The following CYP46A1 variants were observed in gnomAD, a reference collection of about 807,000 sequenced individuals.
CYP46A1 encodes cholesterol 24-hydroxylase.
A neutral mutation model predicts 63.3 loss-of-function variants in CYP46A1; 20 were observed. The ratio of observed to expected loss-of-function variants is 0.32; its 90% confidence interval spans 0.22 to 0.46. The LOEUF (loss-of-function observed/expected upper bound fraction) is 0.46. CYP46A1 is among the 20% of genes least tolerant of loss of function. CYP46A1 has a pLI of 1.00. For missense variants in CYP46A1, 445 were observed against 670.8 expected (o/e 0.66, Z 3.72); for synonymous variants, 268 against 273.6 (o/e 0.98, Z 0.20).
intron 9 of CYP46A1, among the ~76,000 whole-genome samples, chr14:99,716,987 G>A (rs2056796204): frequency 6.6e-6 from 1 of 152,334 alleles, no homozygotes; most frequent in Non-Finnish European, 1.5e-5. Context: ...AAGGCATGGA[G>A]GAAGGCCCTT....
chr14:99,726,145 G>A, intron 13 of CYP46A1, 45 bp from the exon 14 acceptor site: 1 of 1,549,990 alleles, frequency 6.5e-7, no homozygotes, highest in African/African-American at 1.4e-5. Flanking sequence ...TTCCTGTGGG[G>A]ACGCCTGGGG....
chr14:99,702,069 CAAAAAAAAAAAA>C (rs71113217), intron 5 of CYP46A1, among the ~76,000 whole-genome samples: 1 of 70,764 alleles, frequency 1.4e-5, no homozygotes, highest in Admixed American at 1.7e-4. Context: ...GACTCCATCT[CAAAAAAAAAAAA>C]AAAAAAAAAA....
intron 1 of CYP46A1, 46 bp downstream of exon 1, chr14:99,684,582 G>T (rs900693295): frequency 1.4e-6 from 2 of 1,397,978 alleles, no homozygotes; most frequent in Non-Finnish European, 1.9e-6. Context: ...CTGGGACTGG[G>T]GGCCTGGGGA....
At chr14:99,698,384 T>G (rs547738588) in intron 3 of CYP46A1, among the ~76,000 whole-genome samples, 2 of 152,290 alleles carry the variant, frequency 1.3e-5, no homozygotes, top group East Asian at 3.9e-4. Context: ...TTACTATGTG[T>G]GTAACCTTGG....
At chr14:99,719,079 G>A (rs1186612485) in intron 10 of CYP46A1, among the ~76,000 whole-genome samples, 1 of 151,984 alleles carries the variant, frequency 6.6e-6, no homozygotes, top group Non-Finnish European at 1.5e-5. Flanking sequence ...CTACCTCATT[G>A]TAACCTCCTC....
Position 99,725,554 on chromosome 14 carries a change from C to A in CYP46A1, c.1265+75C>A. 9.2e-7 allele frequency: 1 copy of A among 1,083,640 alleles called. No homozygotes were observed. Among genetic ancestry groups the A allele is most frequent in the Non-Finnish European group, 1.4e-6 (1 of 704,172 alleles). The allele number at this position is 1,083,640 out of a possible 1,614,324, so 67.1% of individuals were successfully genotyped here. ...AGACACAGCGGCCTCTGGTCTGAGC[C>A]AGAGGCACCCACTCAGCCCACATAG... On this transcript the variant is annotated intron_variant, in intron 13 of 14. Transcript: ENST00000261835. This position sits in a 1 kb window ranked among gnomAD's most constrained non-coding sequence, Gnocchi z 4.2.
chr14:99,713,672 A>T (rs1429950004), intron 7 of CYP46A1, among the ~76,000 whole-genome samples: 1 of 152,052 alleles, frequency 6.6e-6, no homozygotes, highest in Admixed American at 6.6e-5. Flanking sequence ...TGAGGGCAGG[A>T]GTTTCAGACC....
At chr14:99,703,971 C>A (rs2056653739) in intron 5 of CYP46A1, 1 of 692,348 alleles carries the variant, frequency 1.4e-6, no homozygotes, top group Non-Finnish European at 1.8e-6. Context: ...GCCAGCCAAG[C>A]AAACTTCAGG....
At chr14:99,703,176 T>C (rs979475263) in intron 5 of CYP46A1, among the ~76,000 whole-genome samples, 2 of 152,258 alleles carry the variant, frequency 1.3e-5, no homozygotes, top group African/African-American at 4.8e-5. Flanking sequence ...CACATGCTAC[T>C]GATTTGTCCC....
In CYP46A1 at chr14:99,722,678, T is replaced by C. The variant is rs567655874; in HGVS notation, c.1176+612T>C. Among the ~76,000 whole-genome samples the C allele has an allele frequency of 3.8e-3, 571 of 150,136 alleles. 5 individuals carry two copies. The highest frequency in any genetic ancestry group is 0.014 in the African/African-American group (545 of 40,134). On this transcript the variant is annotated intron_variant, in intron 12 of 14. Coordinates refer to ENST00000261835, the MANE Select transcript of CYP46A1 (RefSeq NM_006668.2). The surrounding 1 kb of genome is among the most constrained non-coding windows in gnomAD (Gnocchi z 4.6). ...GTGTGTGTGTGTGTGTGTGTGTGTG[T>C]GCCTGTGTGCATTCACGCAGTAATA...
chr14:99,724,068 T>C (rs1238143071), intron 12 of CYP46A1, among the ~76,000 whole-genome samples: 3 of 152,348 alleles, frequency 2.0e-5, no homozygotes, highest in East Asian at 1.9e-4. Context: ...CCACATGGTC[T>C]TCCTTCTGTG....
In CYP46A1 at chr14:99,699,469, T is replaced by G; in HGVS notation, c.286T>G (p.Phe96Val). 1.2e-6 allele frequency: 2 copies of G among 1,614,082 alleles called. No individual in the cohort carries two copies. The highest frequency in any genetic ancestry group is 1.7e-6 in the Non-Finnish European group (2 of 1,179,988). ...TTGGTTTTTTGGGGATATTTAGAAG[T>G]TCCTGATGTCAACCAAGTACAACAA... The part of the protein sequence containing the change: ...IVTSPESVKK[F>V]LMSTKYNKDS... The change falls in exon 4 of 15, where the codon TTC becomes GTC. Residue 96 changes from phenylalanine to valine, a missense_variant. Phe to Val is a conservative substitution (Grantham distance 50). Coordinates refer to ENST00000261835, the MANE Select transcript of CYP46A1 (RefSeq NM_006668.2).
chr14:99,716,608 G>T (rs78482721), intron 9 of CYP46A1, among the ~76,000 whole-genome samples: 27 of 152,276 alleles, frequency 1.8e-4, no homozygotes, highest in African/African-American at 6.3e-4. Flanking sequence ...GTGAGCCCTC[G>T]CATGCCTCCT....
At chr14:99,700,897 G>A (rs1413937720) in intron 5 of CYP46A1, among the ~76,000 whole-genome samples, 6 of 152,200 alleles carry the variant, frequency 3.9e-5, no homozygotes, top group African/African-American at 1.2e-4. Flanking sequence ...TGCCCCTGAA[G>A]ACTTTCCAGT....
At position 99,716,196 on chromosome 14, in the gene CYP46A1, G is replaced by T; in HGVS notation, c.904G>T (p.Ala302Ser). 1 of 1,614,248 alleles carries T rather than the reference G, an allele frequency of 6.2e-7. No homozygotes were observed. The highest frequency in any genetic ancestry group is 8.5e-7 in the Non-Finnish European group (1 of 1,180,020). The part of the protein sequence containing the change: ...LLDNFVTFFI[A>S]GHETSANHLA... ...GGACAACTTCGTCACCTTCTTCATT[G>T]CTGGTTTGTAGCTTTGGCGGTGGCC... is the stretch of plus-strand genomic sequence containing the variant. Residue 302 changes from alanine to serine, a missense_variant, in exon 9 of 15, where the codon GCT becomes TCT. This residue lies in a region of CYP46A1 where 13 missense variants were observed against 50.5 expected (regional missense o/e 0.26). Transcript: ENST00000261835.
In CYP46A1 at chr14:99,725,210, C is replaced by T. The variant is rs905741440; in HGVS notation, c.1177-181C>T. On this transcript the variant is annotated intron_variant, in intron 12 of 14. Coordinates refer to ENST00000261835, the MANE Select transcript of CYP46A1 (RefSeq NM_006668.2). The surrounding 1 kb of genome is among the most constrained non-coding windows in gnomAD (Gnocchi z 4.2). ...ACAGTCAACTGTCCCCGCTCTTCCT[C>T]TTAAGGGATTTTCTAGGGGGCCAGT... is the stretch of plus-strand genomic sequence containing the variant. Among the ~76,000 whole-genome samples the T allele has an allele frequency of 1.3e-5, 2 of 152,110 alleles. No individual in the cohort carries two copies. The highest frequency in any genetic ancestry group is 1.5e-5 in the Non-Finnish European group (1 of 68,028).
At chr14:99,705,448 G>A (rs1181164763) in intron 5 of CYP46A1, among the ~76,000 whole-genome samples, 1 of 152,180 alleles carries the variant, frequency 6.6e-6, no homozygotes, top group Non-Finnish European at 1.5e-5. Context: ...ATGGCCGCAA[G>A]CAATCCTCCT....
intron 3 of CYP46A1, among the ~76,000 whole-genome samples, chr14:99,695,173 C>G (rs567127852): frequency 3.7e-4 from 57 of 152,204 alleles, no homozygotes; most frequent in Middle Eastern, 3.4e-3. Context: ...TGATTTCAGT[C>G]CTTTTAAATT....
chr14:99,726,058 G>A (rs1471587051), intron 13 of CYP46A1, 132 bp from the exon 14 acceptor site: 2 of 762,062 alleles, frequency 2.6e-6, no homozygotes, highest in African/African-American at 1.7e-5. Context: ...TTCATGCTTT[G>A]CATGCAAAGT....
Sources: gnomAD v4.1 joint callset for allele counts (sites outside exome capture counted in the v4.1 genomes callset) on GRCh38, gnomAD v4.1.1 for gene constraint, gnomAD v4.1.1 regional missense constraint, Gnocchi (gnomAD v3.1) non-coding constraint, MANE v1.5 for transcripts, NCBI Gene and HGNC (gene_info 2026-07-23, HGNC 2026-07-21) for gene names.